The following CDKN2AIP variants were observed in gnomAD, a reference collection of about 807,000 sequenced individuals.
CDKN2AIP encodes CDKN2A interacting protein.
A neutral mutation model predicts 44.1 loss-of-function variants in CDKN2AIP; 12 were observed. The ratio of observed to expected loss-of-function variants is 0.27; its 90% CI spans 0.17 to 0.44. The LOEUF (loss-of-function observed/expected upper bound fraction) is 0.44. Ranked by LOEUF, CDKN2AIP falls within the 20% of genes least tolerant of loss-of-function variation. CDKN2AIP has a pLI of 1.00. For synonymous variants in CDKN2AIP, 291 were observed against 272.1 expected (o/e 1.07, Z -0.68); for missense variants, 705 against 681.6 (o/e 1.03, Z -0.38).
rs1733720098 is a variant in CDKN2AIP, at chr4:183,448,053, T to C, written c.*626T>C. ...GCTGAAGATTCTTTAAGCGGGTTAA[T>C]TTATGTTTTGAGGTGGAATACAATT... is the stretch of plus-strand genomic sequence containing the variant. On this transcript the variant is annotated 3_prime_UTR_variant, in exon 3 of 3. Transcript: ENST00000504169. 6.6e-6 allele frequency: 1 copy of C among 152,226 alleles called. No homozygotes were observed. The highest frequency in any genetic ancestry group is 6.5e-5 in the Admixed American group (1 of 15,282). The allele number at this position is 152,226 out of a possible 1,614,324, so 9.4% of individuals were successfully genotyped here.
chr4:183,445,223 G>T, intron 1 of CDKN2AIP, 154 bp downstream of exon 1: 1 of 910,864 alleles, frequency 1.1e-6, no homozygotes, highest in Non-Finnish European at 1.6e-6. Flanking sequence ...GGGGGAGAAG[G>T]GCGTCCCTGC....
chr4:183,445,598 T>G lies in CDKN2AIP; in HGVS notation c.336T>G (p.Ala112=). 6.2e-7 allele frequency: 1 copy of G among 1,609,554 alleles called. No individual in the cohort carries two copies. Among genetic ancestry groups the G allele is most frequent in the Non-Finnish European group, 8.5e-7 (1 of 1,175,860 alleles). The change falls in exon 2 of 3, where the codon GCT becomes GCG. Residue 112 remains alanine, a synonymous_variant. Coordinates refer to ENST00000504169, the MANE Select transcript of CDKN2AIP (RefSeq NM_017632.4). ...SMAEGIKVTD[A]PTYTTRDELV... ...CTGAAGGCATCAAAGTGACAGATGC[T>G]CCAACCTATACAACAAGAGATGAAC...
In CDKN2AIP at chr4:183,446,604, C is replaced by T. The variant is rs1396383758; in HGVS notation, c.920C>T (p.Ser307Phe). ...TCAGAGGTAGAATTGCCACTATTGT[C>T]TTCCAAACCTAGTTCAGAGACAGCT... ...GSSEVELPLL[S>F]SKPSSETASS... The change falls in exon 3 of 3, where the codon TCT becomes TTT. Residue 307 changes from serine to phenylalanine, a missense_variant. By Grantham distance (155) the Ser-to-Phe change is radical. Transcript: ENST00000504169. 9 of 1,613,930 alleles carry T rather than the reference C, an allele frequency of 5.6e-6. No individual in the cohort carries two copies. The highest frequency in any genetic ancestry group is 7.6e-6 in the Non-Finnish European group (9 of 1,179,882).
chr4:183,444,755 C>G lies in CDKN2AIP; in HGVS notation c.-43C>G. The G allele has an allele frequency of 6.8e-7, 1 of 1,477,818 alleles. No homozygotes were observed. Among genetic ancestry groups the G allele is most frequent in the South Asian group, 1.3e-5 (1 of 74,308 alleles). The allele number at this position is 1,477,818 out of a possible 1,614,324, so 91.5% of individuals were successfully genotyped here. A position where few individuals can be genotyped will look rare whatever the true frequency, so the allele number is the denominator to read the frequency against. On this transcript the variant is annotated 5_prime_UTR_variant, in exon 1 of 3. Coordinates refer to ENST00000504169, the MANE Select transcript of CDKN2AIP (RefSeq NM_017632.4). ...AGGGCCGCTCGCCCCGCTAGTCCTG[C>G]CTGTCTCCCGGTGCAGCTGTGTTCG...
rs757862367 is a variant in CDKN2AIP, at chr4:183,447,176, C to G, written c.1492C>G (p.Gln498Glu). The change falls in exon 3 of 3, where the codon CAA becomes GAA. Residue 498 changes from glutamine (Q) to glutamate (E), a missense_variant. Transcript: ENST00000504169. Reference protein sequence around the residue: ...LADLPQNKSSQESIVCELRCK... With the variant: ...LADLPQNKSSEESIVCELRCK... ...AGATCTGCCTCAAAATAAGAGCTCT[C>G]AAGAAAGTATTGTTTGTGAATTGAG... 6.2e-7 allele frequency: 1 copy of G among 1,614,012 alleles called. No individual in the cohort carries two copies. The highest frequency in any genetic ancestry group is 8.5e-7 in the Non-Finnish European group (1 of 1,180,020).
rs1408763159 is a variant in CDKN2AIP, at chr4:183,446,423, T to C, written c.739T>C (p.Leu247=). The C allele has an allele frequency of 2.5e-6, 4 of 1,613,720 alleles. No homozygotes were observed. Among genetic ancestry groups the C allele is most frequent in the Non-Finnish European group, 3.4e-6 (4 of 1,179,578 alleles). The part of the protein sequence containing the change: ...DKHGSASFVS[L]LKSSVNSHMT... ...ACACGGTTCTGCATCATTTGTTTCC[T>C]TGCTGAAATCCAGTGTGAATAGTCA... Residue 247 remains leucine (L), a synonymous_variant, in exon 3 of 3, where the codon TTG becomes CTG. Transcript: ENST00000504169.
intron 1 of CDKN2AIP, 58 bp downstream of exon 1, chr4:183,445,127 G>A: frequency 1.3e-6 from 2 of 1,510,738 alleles, no homozygotes; most frequent in Non-Finnish European, 8.9e-7. Flanking sequence ...CCTGCAGACC[G>A]GGGCCCGGCG....
In CDKN2AIP at chr4:183,447,403, A is replaced by G. The variant is rs556383298; in HGVS notation, c.1719A>G (p.Leu573=). The G allele has an allele frequency of 7.1e-6, 11 of 1,541,214 alleles. No homozygotes were observed. In the Admixed American group the frequency reaches 2.2e-4, roughly 31 times the overall value. The part of the protein sequence containing the change: ...ESRPVNLPPA[L]KHPQELL ...GGCCTGTAAACTTACCTCCAGCACT[A>G]AAACATCCTCAAGAATTACTATAAT... Residue 573 remains leucine (L), a synonymous_variant, in exon 3 of 3, where the codon CTA becomes CTG. Transcript: ENST00000504169.
chr4:183,444,674 C>T lies in CDKN2AIP; in HGVS notation c.-124C>T. 4.0e-6 allele frequency: 4 copies of T among 995,068 alleles called. No homozygotes were observed. The highest frequency in any genetic ancestry group is 3.6e-5 in the South Asian group (2 of 56,172). 61.6% of individuals were successfully genotyped at this position (995,068 alleles called of 1,614,324 possible). A position where few individuals can be genotyped will look rare whatever the true frequency, so the allele number is the denominator to read the frequency against. ...GCGGCTCTGGGCGCTGTTGTTTGGT[C>T]TTTAGGCCTGCGGAGGGGCGTTATC... On this transcript the variant is annotated 5_prime_UTR_variant, in exon 1 of 3. Coordinates refer to ENST00000504169, the MANE Select transcript of CDKN2AIP (RefSeq NM_017632.4).
At position 183,447,608 on chromosome 4, in the gene CDKN2AIP, A is replaced by G. The variant is rs1341764257; in HGVS notation, c.*181A>G. 2 of 480,098 alleles carry G rather than the reference A, an allele frequency of 4.2e-6. No individual in the cohort carries two copies. Among genetic ancestry groups the G allele is most frequent in the Admixed American group, 7.6e-5 (2 of 26,440 alleles). The allele number at this position is 480,098 out of a possible 1,614,324, so 29.7% of individuals were successfully genotyped here. ...GTAAATAATTTATGAATGACAGTAC[A>G]CATTAAAAGGTATGCATTAGCAGCA... On this transcript the variant is annotated 3_prime_UTR_variant, in exon 3 of 3. Coordinates refer to ENST00000504169, the MANE Select transcript of CDKN2AIP (RefSeq NM_017632.4).
At chr4:183,445,937 T>C (rs1733656315) in intron 2 of CDKN2AIP, 151 bp from the exon 3 acceptor site, 8 of 699,394 alleles carry the variant, frequency 1.1e-5, no homozygotes. Flanking sequence ...TTCAACACTG[T>C]TTTAAGAAAT....
Position 183,446,950 on chromosome 4 carries a change from C to A in CDKN2AIP, c.1266C>A (p.Val422=). ...CTTCACAGTCAAGTGAGAGTTCTGT[C>A]AAATTCTCTTGCAAGTTAACCAATG... ...KSTSQSSESS[V]KFSCKLTNED... Residue 422 remains valine (V), a synonymous_variant, in exon 3 of 3, where the codon GTC becomes GTA. Transcript: ENST00000504169. The A allele has an allele frequency of 1.2e-6, 2 of 1,614,188 alleles. No individual in the cohort carries two copies. Among genetic ancestry groups the A allele is most frequent in the Non-Finnish European group, 1.7e-6 (2 of 1,180,024 alleles).
rs1733729569 is a variant in CDKN2AIP at position 183,448,443 on chromosome 4, G to C, written c.*1016G>C. Reference sequence around the variant, plus strand: ...CGGAAAGAACAGAGAGCCGTGTTCAGCTCTTGATAATGAGCCTATTCAATT... The same window carrying C: ...CGGAAAGAACAGAGAGCCGTGTTCACCTCTTGATAATGAGCCTATTCAATT... On this transcript the variant is annotated 3_prime_UTR_variant, in exon 3 of 3. Coordinates refer to ENST00000504169, the MANE Select transcript of CDKN2AIP (RefSeq NM_017632.4). 6.6e-6 allele frequency among the ~76,000 whole-genome samples: 1 copy of C among 152,130 alleles called. No individual in the cohort carries two copies.
At position 183,444,919 on chromosome 4, in the gene CDKN2AIP, G is replaced by T. The variant is rs775579096; in HGVS notation, c.122G>T (p.Arg41Leu). The change falls in exon 1 of 3, where the codon CGC becomes CTC. Residue 41 changes from arginine to leucine, a missense_variant. By Grantham distance (102) the Arg-to-Leu change is moderately radical. Coordinates refer to ENST00000504169, the MANE Select transcript of CDKN2AIP (RefSeq NM_017632.4). The part of the protein sequence containing the change: ...HWRHRRDFLL[R>L]NAGDLAPAGG... Reference sequence around the variant, plus strand: ...CGCCACCGCCGGGATTTTTTGCTTCGCAACGCCGGGGACCTGGCCCCCGCT... The same window carrying T: ...CGCCACCGCCGGGATTTTTTGCTTCTCAACGCCGGGGACCTGGCCCCCGCT... 6 of 1,610,416 alleles carry T rather than the reference G, an allele frequency of 3.7e-6. No homozygotes were observed. The highest frequency in any genetic ancestry group is 5.1e-6 in the Non-Finnish European group (6 of 1,178,702).
Position 183,444,789 on chromosome 4 carries a change from A to G in CDKN2AIP, c.-9A>G, listed in dbSNP as rs1733624754. On this transcript the variant is annotated 5_prime_UTR_variant, in exon 1 of 3. Transcript: ENST00000504169. ...CGGTGCAGCTGTGTTCGCGGCCTGC[A>G]GGCCCAACATGGCGCAGGAGGTGTC... 4 of 1,519,508 alleles carry G rather than the reference A, an allele frequency of 2.6e-6. No homozygotes were observed. Among genetic ancestry groups the G allele is most frequent in the African/African-American group, 2.8e-5 (2 of 72,288 alleles). The allele number at this position is 1,519,508 out of a possible 1,614,324, so 94.1% of individuals were successfully genotyped here.
Sources: allele counts gnomAD v4.1 joint callset (sites outside exome capture counted in the v4.1 genomes callset), GRCh38; gene constraint gnomAD v4.1.1; transcripts MANE v1.5; gene names NCBI Gene and HGNC (gene_info 2026-07-23, HGNC 2026-07-21).